The following ACACB variants were observed in gnomAD, a reference collection of about 807,000 sequenced individuals.
The protein encoded by ACACB is acetyl-CoA carboxylase beta.
Under a neutral mutation model 278.8 loss-of-function variants are expected in ACACB, and 209 were observed. The observed-to-expected ratio is 0.75, with a 90% confidence interval of 0.67 to 0.84. The LOEUF (loss-of-function observed/expected upper bound fraction) is 0.84, where lower values mean the gene tolerates loss of function less well. ACACB is among the 40% of genes least tolerant of loss of function. ACACB has a pLI of 0.00. For synonymous variants in ACACB, 1,174 were observed against 1,285.6 expected, an observed-to-expected ratio of 0.91 and a Z score of 1.86; for missense variants, 2,850 against 3,269.0, an observed-to-expected ratio of 0.87 and a Z score of 3.13.
chr12:109,126,150 C>A (rs2135958693), intron 1 of ACACB, among the ~76,000 whole-genome samples: 1 of 152,304 alleles, frequency 6.6e-6, no homozygotes, highest in East Asian at 1.9e-4. Context: ...TAGGATTCCA[C>A]CTGTGAAGAT....
intron 34 of ACACB, among the ~76,000 whole-genome samples, chr12:109,238,535 T>C (rs1022449447): frequency 2.8e-5 from 4 of 145,428 alleles, no homozygotes; most frequent in African/African-American, 1.0e-4. Context: ...TATAAATATA[T>C]ATTTATATAA....
At chr12:109,196,960 G>A (rs2045153575) in intron 16 of ACACB, 48 bp from the exon 17 acceptor site, 1 of 1,498,676 alleles carries the variant, frequency 6.7e-7, no homozygotes, top group African/African-American at 1.5e-5. Context: ...GCAGTGCTCT[G>A]GGAGCACATC....
Position 109,232,739 on chromosome 12 carries a change from G to T in ACACB, c.4072G>T (p.Gly1358Cys), listed in dbSNP as rs546114684. Residue 1358 changes from glycine (G) to cysteine (C), a missense_variant, in exon 29 of 53, where the codon GGC becomes TGC. Transcript: ENST00000338432. ...CAGCACAGAGCTCTTCATGGACAGC[G>T]GCTTCTCCCCACTGTGCCAGCGCAT... ...RHSTELFMDS[G>C]FSPLCQRMGA... The T allele has an allele frequency of 6.2e-7, 1 of 1,614,086 alleles. No individual in the cohort carries two copies. Among genetic ancestry groups the T allele is most frequent in the East Asian group, 2.2e-5 (1 of 44,870 alleles).
At chr12:109,257,967 T>C (rs1201670008) in intron 45 of ACACB, among the ~76,000 whole-genome samples, 1 of 152,214 alleles carries the variant, frequency 6.6e-6, no homozygotes, top group African/African-American at 2.4e-5. Flanking sequence ...AGCTCCTGTA[T>C]TGGACAGTGC....
chr12:109,256,878 T>C (rs1236862100), intron 45 of ACACB, among the ~76,000 whole-genome samples: 1 of 152,232 alleles, frequency 6.6e-6, no homozygotes, highest in African/African-American at 2.4e-5. Flanking sequence ...CAAAGGATTA[T>C]TGTGATGATT....
Position 109,246,368 on chromosome 12 carries a change from A to G in ACACB, c.5491A>G (p.Ser1831Gly). 2 of 1,613,388 alleles carry G rather than the reference A, an allele frequency of 1.2e-6. No homozygotes were observed. The highest frequency in any genetic ancestry group is 1.7e-6 in the Non-Finnish European group (2 of 1,179,918). ...TCCCAAAATTTACGTGGCAGCCAAC[A>G]GTGGCGCCCGTATTGGCATGGCAGA... The part of the protein sequence containing the change: ...GIPKIYVAAN[S>G]GARIGMAEEI... Residue 1831 changes from serine (S) to glycine (G), a missense_variant, in exon 39 of 53, where the codon AGT becomes GGT. By Grantham distance (56) the Ser-to-Gly change is moderately conservative (BLOSUM62 0). Coordinates refer to ENST00000338432, the MANE Select transcript of ACACB (RefSeq NM_001093.4).
rs144541000 is a variant in ACACB, at chr12:109,251,923, C to T, written c.5791-123C>T. Reference sequence around the variant, plus strand: ...CCTCTACTGTGGTTTGGCTCCAAATCGGGTTGCCATTGGTCAAAACATAAC... The same window carrying T: ...CCTCTACTGTGGTTTGGCTCCAAATTGGGTTGCCATTGGTCAAAACATAAC... On this transcript the variant is annotated intron_variant, in intron 41 of 52. Coordinates refer to ENST00000338432, the MANE Select transcript of ACACB (RefSeq NM_001093.4). 2,169 of 612,504 alleles carry T rather than the reference C, an allele frequency of 3.5e-3. 31 individuals carry two copies. The African/African-American group carries it at 0.036, about 10-fold the overall frequency. The allele number at this position is 612,504 out of a possible 1,614,324, so 37.9% of individuals were successfully genotyped here.
chr12:109,212,097 G>A (rs1017028594), intron 21 of ACACB, among the ~76,000 whole-genome samples: 1 of 152,114 alleles, frequency 6.6e-6, no homozygotes, highest in Admixed American at 6.5e-5. Flanking sequence ...CCATGTGATC[G>A]CTGGCATTTT....
At chr12:109,216,748 C>A (rs376051711) in intron 23 of ACACB, 42 bp downstream of exon 23, 13 of 1,613,902 alleles carry the variant, frequency 8.1e-6, no homozygotes, top group African/African-American at 1.3e-5. Flanking sequence ...TGGTGGGGGG[C>A]GTGAGGAGCC....
chr12:109,126,108 C>G (rs531684506), intron 1 of ACACB, among the ~76,000 whole-genome samples: 1 of 152,296 alleles, frequency 6.6e-6, no homozygotes, highest in South Asian at 2.1e-4. Flanking sequence ...AAGGCAAATT[C>G]ACAGCACAGC....
chr12:109,129,896 G>A (rs993562208), intron 1 of ACACB, among the ~76,000 whole-genome samples: 3 of 151,190 alleles, frequency 2.0e-5, no homozygotes, highest in African/African-American at 2.4e-5. Context: ...AGCAGAAGCC[G>A]CCATCACTAT....
intron 24 of ACACB, among the ~76,000 whole-genome samples, chr12:109,222,237 A>G (rs1218436633): frequency 6.6e-6 from 1 of 151,672 alleles, no homozygotes; most frequent in Non-Finnish European, 1.5e-5. Flanking sequence ...ACTTAGTTGT[A>G]TTTGTTTGTT....
chr12:109,234,960 TTTTTAGTATA>T (rs1423965015), intron 31 of ACACB, among the ~76,000 whole-genome samples: 1 of 152,006 alleles, frequency 6.6e-6, no homozygotes, highest in African/African-American at 2.4e-5. Flanking sequence ...ATTTAATATA[TTTTTAGTATA>T]TTCACCAGGT....
At chr12:109,165,187 A>C (rs905768110) in intron 2 of ACACB, among the ~76,000 whole-genome samples, 41 of 152,266 alleles carry the variant, frequency 2.7e-4, no homozygotes, top group African/African-American at 9.9e-4. Context: ...CAAATTAGGA[A>C]TCCAACCCCA....
Position 109,210,349 on chromosome 12 carries a change from A to ATGTG in ACACB, c.3249+997_3249+998insGTGT, listed in dbSNP as rs1565928132. On this transcript the variant is annotated intron_variant, in intron 21 of 52. Coordinates refer to ENST00000338432, the MANE Select transcript of ACACB (RefSeq NM_001093.4). Reference sequence around the variant, plus strand: ...TATATATGTATATACACGCACACACATATCTGTGTATATATGTATATACAC... The same window carrying ATGTG: ...TATATATGTATATACACGCACACACATGTGTATCTGTGTATATATGTATATACAC... Among the ~76,000 whole-genome samples, 26 of 79,880 alleles carry ATGTG rather than the reference A, an allele frequency of 3.3e-4. 6 individuals carry two copies. Among genetic ancestry groups the ATGTG allele is most frequent in the African/African-American group, 1.2e-3 (25 of 21,552 alleles). 52.4% of individuals were successfully genotyped at this position (79,880 alleles called of 152,430 possible).
intron 16 of ACACB, among the ~76,000 whole-genome samples, 180 bp downstream of exon 16, chr12:109,193,909 T>C (rs1224188413): frequency 6.6e-6 from 1 of 152,206 alleles, no homozygotes; most frequent in Non-Finnish European, 1.5e-5. Flanking sequence ...TTTTAGAACA[T>C]GTAGGGCTGT....
intron 13 of ACACB, among the ~76,000 whole-genome samples, chr12:109,189,697 T>G (rs1478962347): frequency 6.6e-6 from 1 of 152,200 alleles, no homozygotes; most frequent in Non-Finnish European, 1.5e-5. Context: ...AGCTGACTTT[T>G]CATGGCCTAT....
intron 27 of ACACB, 39 bp downstream of exon 27, chr12:109,223,943 C>A: frequency 6.4e-7 from 1 of 1,556,838 alleles, no homozygotes; most frequent in South Asian, 1.1e-5. Context: ...CTGACCATGC[C>A]AGTTCTAGTG....
intron 6 of ACACB, 61 bp from the exon 7 acceptor site, chr12:109,174,071 C>A: frequency 6.8e-7 from 1 of 1,467,170 alleles, no homozygotes; most frequent in East Asian, 2.4e-5. Flanking sequence ...GGTCGGCCTT[C>A]AGCCTCGAGG....
Sources: gnomAD v4.1 joint callset for allele counts (sites outside exome capture counted in the v4.1 genomes callset) on GRCh38, gnomAD v4.1.1 for gene constraint, MANE v1.5 for transcripts, NCBI Gene and HGNC (gene_info 2026-07-23, HGNC 2026-07-21) for gene names.